Variants in RBFOX1 observed in about 807,000 individuals in gnomAD.
RBFOX1 encodes RNA binding fox-1 homolog 1.
RBFOX1 carries 8 observed loss-of-function variants against 57.7 expected under a neutral mutation model. The ratio of observed to expected loss-of-function variants is 0.14; its 90% CI spans 0.08 to 0.25. RBFOX1 has a LOEUF of 0.25. Among genes scored for constraint, RBFOX1 ranks in the 10% least tolerant of loss-of-function variants. The probability of loss-of-function intolerance (pLI) is 1.00; values close to 1 mark genes in which losing one functional copy is unlikely to be tolerated. For missense variants in RBFOX1, 611 were observed against 548.5 expected (o/e 1.11, Z -1.14); for synonymous variants, 326 against 222.4 (o/e 1.47, Z -4.15).
intron 3 of RBFOX1, among the ~76,000 whole-genome samples, chr16:6,928,323 G>T (rs571751009): frequency 6.6e-6 from 1 of 152,300 alleles, no homozygotes; most frequent in South Asian, 2.1e-4. Flanking sequence ...AGGCGATCTG[G>T]AGGAAGACGG....
At position 6,528,601 on chromosome 16, in the gene RBFOX1, C is replaced by A. The variant is rs149627952; in HGVS notation, c.-63-126002C>A. 2.2e-3 allele frequency among the ~76,000 whole-genome samples: 335 copies of A among 152,260 alleles called. 2 individuals are homozygous for A. The highest frequency in any genetic ancestry group is 7.8e-3 in the African/African-American group (324 of 41,548). On this transcript the variant is annotated intron_variant, in intron 2 of 15. Coordinates refer to ENST00000550418, the MANE Select transcript of RBFOX1 (RefSeq NM_018723.4). Reference sequence around the variant, plus strand: ...CTGTGTCAGTTTAACAGGATAGATACGATTTTAAAATGACATCTTCATTGT... The same window carrying A: ...CTGTGTCAGTTTAACAGGATAGATAAGATTTTAAAATGACATCTTCATTGT...
At chr16:5,785,002 G>A (rs932735403) in intron 3 of RBFOX1, among the ~76,000 whole-genome samples, 1 of 152,188 alleles carries the variant, frequency 6.6e-6, no homozygotes, top group Non-Finnish European at 1.5e-5. Flanking sequence ...CTACTTCACT[G>A]GGTTGTTGTG....
chr16:6,904,319 G>GAGA, intron 3 of RBFOX1, among the ~76,000 whole-genome samples: 1 of 152,016 alleles, frequency 6.6e-6, no homozygotes, highest in Admixed American at 6.5e-5. Context: ...TCCATCTTTA[G>GAGA]GCCAGGTGGG....
intron 1 of RBFOX1, among the ~76,000 whole-genome samples, chr16:6,223,552 G>GT (rs968940413): frequency 9.6e-4 from 146 of 152,196 alleles, no homozygotes; most frequent in Admixed American, 1.7e-3. Flanking sequence ...GGGGTTGTTT[G>GT]TTTTTTTCTT....
intron 4 of RBFOX1, among the ~76,000 whole-genome samples, chr16:5,921,597 G>A (rs2058823216): frequency 6.6e-6 from 1 of 152,288 alleles, no homozygotes; most frequent in South Asian, 2.1e-4. Context: ...AAGGGGATGA[G>A]AAATAGGAAA....
intron 1 of RBFOX1, among the ~76,000 whole-genome samples, chr16:6,119,235 T>C (rs1479429918): frequency 6.6e-6 from 1 of 152,024 alleles, no homozygotes; most frequent in Non-Finnish European, 1.5e-5. Flanking sequence ...TATTAATTAT[T>C]AATATTAATT....
chr16:6,863,330 C>T (rs899771035), intron 3 of RBFOX1, among the ~76,000 whole-genome samples: 1 of 152,038 alleles, frequency 6.6e-6, no homozygotes, highest in Non-Finnish European at 1.5e-5. Context: ...TGGGTAGAGA[C>T]AAAACGTGGC....
chr16:6,408,725 A>G (rs1436221354), intron 2 of RBFOX1, among the ~76,000 whole-genome samples: 1 of 152,196 alleles, frequency 6.6e-6, no homozygotes, highest in Non-Finnish European at 1.5e-5. Flanking sequence ...GGCAAAGGGC[A>G]TGGCATTAGG....
At chr16:6,437,995 T>C (rs994198888) in intron 2 of RBFOX1, among the ~76,000 whole-genome samples, 7 of 152,168 alleles carry the variant, frequency 4.6e-5, no homozygotes, top group Non-Finnish European at 1.0e-4. Flanking sequence ...CAGGCTCCTC[T>C]TGGTCTTGAC....
At chr16:7,543,283 G>A (rs796349614) in intron 5 of RBFOX1, among the ~76,000 whole-genome samples, 1 of 152,198 alleles carries the variant, frequency 6.6e-6, no homozygotes, top group Non-Finnish European at 1.5e-5. Context: ...TCACATAAAG[G>A]TTTGAGAACT....
rs547044993 is a variant in RBFOX1, at chr16:6,008,575, A to T, written c.351+141240A>T. Among the ~76,000 whole-genome samples, 7 of 152,260 alleles carry T rather than the reference A, an allele frequency of 4.6e-5. No homozygotes were observed. In the South Asian group the frequency reaches 1.5e-3, roughly 32 times the overall value. ...GCGGTTAAGGTTGAGGAAGAGTTGAAGGAGCTGGAGTCATATCCCAGAGCT... is the reference window on the plus strand; with the variant it reads ...GCGGTTAAGGTTGAGGAAGAGTTGATGGAGCTGGAGTCATATCCCAGAGCT... On this transcript the variant is annotated intron_variant, in intron 4 of 19. Transcript: ENST00000641259.
rs867248803 is a variant in RBFOX1 at position 7,430,231 on chromosome 16, C to G, written c.28-87916C>G. 2.6e-4 allele frequency among the ~76,000 whole-genome samples: 40 copies of G among 152,214 alleles called. 1 individual carries two copies. The highest frequency in any genetic ancestry group is 1.5e-3 in the Admixed American group (23 of 15,282). On this transcript the variant is annotated intron_variant, in intron 4 of 15. Transcript: ENST00000550418. Reference sequence around the variant, plus strand: ...AGTAACTATTCCAGCCTCATGTCTTCACTCATAGCCATTCCCTATTTCGAA... The same window carrying G: ...AGTAACTATTCCAGCCTCATGTCTTGACTCATAGCCATTCCCTATTTCGAA...
At chr16:6,847,544 A>G (rs1208762193) in intron 3 of RBFOX1, among the ~76,000 whole-genome samples, 1 of 152,154 alleles carries the variant, frequency 6.6e-6, no homozygotes, top group Non-Finnish European at 1.5e-5. Context: ...TGGCACAGTC[A>G]AGGTGTAGGG....
intron 4 of RBFOX1, among the ~76,000 whole-genome samples, chr16:7,513,219 T>A (rs1403270155): frequency 6.6e-6 from 1 of 152,024 alleles, no homozygotes; most frequent in African/African-American, 2.4e-5. Flanking sequence ...GCCGAGAGCC[T>A]ACCATTGCAC....
intron 4 of RBFOX1, among the ~76,000 whole-genome samples, chr16:7,097,617 A>G (rs2061926335): frequency 1.3e-5 from 2 of 152,212 alleles, no homozygotes; most frequent in African/African-American, 2.4e-5. Context: ...GTTGCCACTC[A>G]TAATATGCAA....
chr16:5,282,729 G>T (rs2063302504), intron 1 of RBFOX1, among the ~76,000 whole-genome samples: 1 of 152,136 alleles, frequency 6.6e-6, no homozygotes, highest in South Asian at 2.1e-4. Flanking sequence ...ACATGACTTG[G>T]GTGCTGTTAA....
At chr16:5,501,851 G>C (rs753550848) in intron 2 of RBFOX1, among the ~76,000 whole-genome samples, 1 of 151,986 alleles carries the variant, frequency 6.6e-6, no homozygotes, top group Non-Finnish European at 1.5e-5. Flanking sequence ...TACATGCTGG[G>C]ACTACAGGCA....
intron 4 of RBFOX1, among the ~76,000 whole-genome samples, chr16:7,216,549 G>A (rs538870055): frequency 3.4e-4 from 51 of 152,220 alleles, no homozygotes; most frequent in African/African-American, 1.0e-3. Flanking sequence ...ATAATGATAG[G>A]AGTAAAGGGT....
chr16:7,076,815 C>G (rs966787441), intron 4 of RBFOX1, among the ~76,000 whole-genome samples: 6 of 152,192 alleles, frequency 3.9e-5, no homozygotes. Context: ...TCATATACCT[C>G]CTGTGAGCCC....
Sources: allele counts gnomAD v4.1 joint callset (sites outside exome capture counted in the v4.1 genomes callset), GRCh38; gene constraint gnomAD v4.1.1; transcripts MANE v1.5; gene names NCBI Gene and HGNC (gene_info 2026-07-23, HGNC 2026-07-21).